Variants in CCSER1 observed in about 807,000 individuals in gnomAD.
CCSER1 encodes serine-rich coiled-coil domain-containing protein 1.
In CCSER1, 41 loss-of-function variants were observed where a neutral mutation model predicts 82.0. The ratio of observed to expected loss-of-function variants is 0.50; its 90% CI spans 0.39 to 0.65. CCSER1 has a LOEUF of 0.65. CCSER1 is among the 30% of genes least tolerant of loss of function. The probability of loss-of-function intolerance (pLI) is 0.00; values close to 1 mark genes in which losing one functional copy is unlikely to be tolerated. For missense variants in CCSER1, 1,119 were observed against 1,064.2 expected, an observed-to-expected ratio of 1.05 and a Z score of -0.72; for synonymous variants, 414 against 383.9, an observed-to-expected ratio of 1.08 and a Z score of -0.92.
intron 7 of CCSER1, among the ~76,000 whole-genome samples, chr4:90,741,686 C>G (rs1746584289): frequency 6.6e-6 from 1 of 152,002 alleles, no homozygotes; most frequent in Non-Finnish European, 1.5e-5. Context: ...TACATAATTT[C>G]AAATATTACT....
At chr4:90,338,584 A>T (rs769407226) in intron 3 of CCSER1, among the ~76,000 whole-genome samples, 5 of 152,222 alleles carry the variant, frequency 3.3e-5, no homozygotes, top group Non-Finnish European at 5.9e-5. Context: ...ATAGTGCTTA[A>T]GCATAGTATA....
intron 5 of CCSER1, among the ~76,000 whole-genome samples, chr4:90,512,584 A>G (rs1771690221): frequency 6.6e-6 from 1 of 152,152 alleles, no homozygotes; most frequent in Non-Finnish European, 1.5e-5. Context: ...TAGAAATGAC[A>G]TGAACCTATG....
intron 10 of CCSER1, among the ~76,000 whole-genome samples, chr4:91,206,271 C>T (rs185466876): frequency 7.9e-5 from 12 of 152,024 alleles, no homozygotes; most frequent in African/African-American, 2.4e-4. Context: ...TTTATAACCA[C>T]ATCCACCCAA....
At chr4:91,051,576 T>C (rs1034604488) in intron 9 of CCSER1, among the ~76,000 whole-genome samples, 1 of 152,076 alleles carries the variant, frequency 6.6e-6, no homozygotes, top group Non-Finnish European at 1.5e-5. Context: ...ATTTTCAGCA[T>C]TGTTTAAAGG....
In CCSER1 at chr4:90,271,869, T is replaced by A. The variant is rs1560920337; in HGVS notation, c.-41-36375T>A. 4.0e-3 allele frequency among the ~76,000 whole-genome samples: 318 copies of A among 80,290 alleles called. 4 individuals carry two copies. The highest frequency in any genetic ancestry group is 0.016 in the African/African-American group (239 of 14,758). The allele number at this position is 80,290 out of a possible 152,430, so 52.7% of individuals were successfully genotyped here. On this transcript the variant is annotated intron_variant, in intron 1 of 10. Coordinates refer to ENST00000509176, the MANE Select transcript of CCSER1 (RefSeq NM_001145065.2). ...ATATATATATATATATATATTTTTTTTTTTTTTTTTTTTTTTTTTTTAAAA... is the reference window on the plus strand; with the variant it reads ...ATATATATATATATATATATTTTTTATTTTTTTTTTTTTTTTTTTTTAAAA...
chr4:91,235,848 GATTCTTTCAGGTGCTGCTGGATTAAAAA>G (rs1336974971), intron 10 of CCSER1, among the ~76,000 whole-genome samples: 2 of 152,072 alleles, frequency 1.3e-5, no homozygotes, highest in East Asian at 3.9e-4. Flanking sequence ...TTAGAAAAGA[GATTCTTTCAGGTGCTGCTGGATTAAAAA>G]ATAACTGAAT....
At chr4:91,492,603 T>C (rs552192078) in intron 10 of CCSER1, among the ~76,000 whole-genome samples, 14 of 152,210 alleles carry the variant, frequency 9.2e-5, no homozygotes, top group South Asian at 8.3e-4. Context: ...GTTGATGTCA[T>C]GGCGTGAACT....
intron 10 of CCSER1, among the ~76,000 whole-genome samples, chr4:91,328,837 G>T (rs1746745864): frequency 6.6e-6 from 1 of 152,032 alleles, no homozygotes; most frequent in African/African-American, 2.4e-5. Context: ...GTCAAGGATG[G>T]GACCACGTAG....
chr4:91,451,534 G>T (rs1755869639), intron 10 of CCSER1, among the ~76,000 whole-genome samples: 1 of 151,832 alleles, frequency 6.6e-6, no homozygotes, highest in African/African-American at 2.4e-5. Context: ...TAATAATAAG[G>T]AGAATAACCA....
chr4:90,189,053 TA>T (rs545873392), intron 1 of CCSER1, among the ~76,000 whole-genome samples: 353 of 152,104 alleles, frequency 2.3e-3, no homozygotes, highest in African/African-American at 7.4e-3. Flanking sequence ...TGGATGGCTA[TA>T]CTGTGGCTGA....
chr4:91,034,986 T>A lies in CCSER1; in HGVS notation c.2173-50964T>A, dbSNP rs145867054. Among the ~76,000 whole-genome samples, 632 of 152,256 alleles carry A rather than the reference T, an allele frequency of 4.2e-3. 4 individuals are homozygous for A. The highest frequency in any genetic ancestry group is 0.014 in the African/African-American group (602 of 41,564). On this transcript the variant is annotated intron_variant, in intron 9 of 10. Coordinates refer to ENST00000509176, the MANE Select transcript of CCSER1 (RefSeq NM_001145065.2). ...ACAAAGCCTGGGCAAAACACATGTA[T>A]GTGCATGCATTTATGTATGTGAGGC...
At chr4:91,107,638 TC>T (rs1213822122) in intron 10 of CCSER1, among the ~76,000 whole-genome samples, 6 of 120,076 alleles carry the variant, frequency 5.0e-5, no homozygotes, top group African/African-American at 1.6e-4. Flanking sequence ...TTTCTTTTTC[TC>T]TTTTTTTTTT....
chr4:91,508,886 A>G, intron 10 of CCSER1, among the ~76,000 whole-genome samples: 1 of 151,918 alleles, frequency 6.6e-6, no homozygotes, highest in East Asian at 1.9e-4. Context: ...ATGGTGATTC[A>G]TAATATTTCC....
chr4:90,967,679 A>G (rs779973240), intron 9 of CCSER1, among the ~76,000 whole-genome samples: 27 of 152,110 alleles, frequency 1.8e-4, no homozygotes, highest in Non-Finnish European at 3.4e-4. Context: ...CACAATAAAC[A>G]ACTATAACAA....
chr4:90,460,324 C>CAAAAAAAA lies in CCSER1; in HGVS notation c.1604-7896_1604-7889dup, dbSNP rs751331396. On this transcript the variant is annotated intron_variant, in intron 4 of 10. Transcript: ENST00000509176. ...TGGGCGACAGAGCGAAACTCCGTCT[C>CAAAAAAAA]AAAAAAAAAAAAAAAAAAAAACTAA... 1.0e-3 allele frequency among the ~76,000 whole-genome samples: 34 copies of CAAAAAAAA among 32,644 alleles called. 3 individuals carry two copies. Among genetic ancestry groups the CAAAAAAAA allele is most frequent in the African/African-American group, 4.8e-3 (33 of 6,892 alleles). 21.4% of individuals were successfully genotyped at this position (32,644 alleles called of 152,430 possible).
chr4:91,420,938 G>A (rs2149382906), intron 10 of CCSER1, among the ~76,000 whole-genome samples: 1 of 152,304 alleles, frequency 6.6e-6, no homozygotes, highest in Non-Finnish European at 1.5e-5. Context: ...ATTATGCTAA[G>A]TGAAATAGCC....
intron 10 of CCSER1, among the ~76,000 whole-genome samples, chr4:91,535,636 C>T (rs1761259743): frequency 6.6e-6 from 1 of 151,582 alleles, no homozygotes; most frequent in Non-Finnish European, 1.5e-5. Flanking sequence ...GTTTTAAAAT[C>T]AGTAAATAAA....
At chr4:90,169,134 T>C (rs1731133477) in intron 1 of CCSER1, among the ~76,000 whole-genome samples, 1 of 152,064 alleles carries the variant, frequency 6.6e-6, no homozygotes, top group Non-Finnish European at 1.5e-5. Flanking sequence ...CATTTGTTTG[T>C]GTCCTCTTTT....
At chr4:90,808,930 A>T (rs1420165016) in intron 7 of CCSER1, among the ~76,000 whole-genome samples, 1 of 152,206 alleles carries the variant, frequency 6.6e-6, no homozygotes, top group South Asian at 2.1e-4. Flanking sequence ...TCAAAAAGAC[A>T]TGTGCATGCA....
Sources: gnomAD v4.1 joint callset for allele counts (sites outside exome capture counted in the v4.1 genomes callset) on GRCh38, gnomAD v4.1.1 for gene constraint, MANE v1.5 for transcripts, NCBI Gene and HGNC (gene_info 2026-07-23, HGNC 2026-07-21) for gene names.